TUBGCP2: variants seen among roughly 807,000 people sequenced by gnomAD.
The protein encoded by TUBGCP2 is gamma-tubulin complex component 2.
In TUBGCP2, 55 loss-of-function variants were observed where a neutral mutation model predicts 92.2. That is an observed-to-expected ratio of 0.60 (90% CI 0.48 to 0.75). TUBGCP2 has a LOEUF of 0.75. TUBGCP2 is among the 30% of genes least tolerant of loss of function. The pLI is 0.00. For missense variants in TUBGCP2, 1,093 were observed against 1,188.9 expected, an observed-to-expected ratio of 0.92 and a Z score of 1.19; for synonymous variants, 533 against 505.2, an observed-to-expected ratio of 1.06 and a Z score of -0.74.
At chr10:133,296,944 C>T (rs1313261856) in intron 5 of TUBGCP2, among the ~76,000 whole-genome samples, 1 of 152,156 alleles carries the variant, frequency 6.6e-6, no homozygotes, top group Non-Finnish European at 1.5e-5. Context: ...CCAGGGTTTC[C>T]GGCAAAGGCA....
chr10:133,288,065 T>G, intron 11 of TUBGCP2, 64 bp downstream of exon 11: 3 of 1,550,588 alleles, frequency 1.9e-6, no homozygotes, highest in Non-Finnish European at 2.6e-6. Flanking sequence ...GCCTCTGCTG[T>G]GCTCTCCTCC....
chr10:133,309,239 G>GACA (rs1203262674), upstream of TUBGCP2: 14 of 973,518 alleles, frequency 1.4e-5, no homozygotes, highest in African/African-American at 3.5e-4. Context: ...TGAGGTGGTG[G>GACA]GGCGGGGCCG....
At chr10:133,305,361 T>C (rs1191934179) in intron 1 of TUBGCP2, among the ~76,000 whole-genome samples, 1 of 152,192 alleles carries the variant, frequency 6.6e-6, no homozygotes, top group Non-Finnish European at 1.5e-5. Flanking sequence ...ACACATGACC[T>C]TATCAATCAT....
At chr10:133,304,520 C>CA (rs35520041) in intron 1 of TUBGCP2, among the ~76,000 whole-genome samples, 1 of 151,976 alleles carries the variant, frequency 6.6e-6, no homozygotes, top group Admixed American at 6.6e-5. Flanking sequence ...CTCTATGACC[C>CA]AAAAAAGGTA....
At chr10:133,308,953 C>G (rs956567043), upstream of TUBGCP2, 30 of 1,234,682 alleles carry the variant, frequency 2.4e-5, no homozygotes, top group African/African-American at 4.5e-4. Flanking sequence ...GATGCAGTTG[C>G]CCCCCGCGCT....
rs756703104 is a variant in TUBGCP2 at position 133,288,954 on chromosome 10, A to T, written c.1427T>A (p.Ile476Asn). 6.2e-7 allele frequency: 1 copy of T among 1,614,172 alleles called. No individual in the cohort carries two copies. Among genetic ancestry groups the T allele is most frequent in the South Asian group, 1.1e-5 (1 of 91,084 alleles). Residue 476 changes from isoleucine to asparagine, a missense_variant, in exon 10 of 18, where the codon ATC (isoleucine) becomes AAC (asparagine). By Grantham distance (149) the Ile-to-Asn change is moderately radical (BLOSUM62 -3). Transcript: ENST00000252936. Reference sequence around the variant, plus strand: ...ATACGCCCGCTCTTTTAACGTGTAGATGATCTCTTTAGCCACCGGGCAGGT... The same window carrying T: ...ATACGCCCGCTCTTTTAACGTGTAGTTGATCTCTTTAGCCACCGGGCAGGT... Reference protein sequence around the residue: ...DVTCPVAKEIIYTLKERAYVE... With the variant: ...DVTCPVAKEINYTLKERAYVE...
At chr10:133,295,107 G>A (rs574099661) in intron 5 of TUBGCP2, 1 of 152,322 alleles carries the variant, frequency 6.6e-6, no homozygotes, top group African/African-American at 2.4e-5. Flanking sequence ...GTGCCGTGGG[G>A]TGGGGGTTAG....
intron 11 of TUBGCP2, among the ~76,000 whole-genome samples, chr10:133,286,582 G>A (rs1162377332): frequency 1.3e-5 from 2 of 151,668 alleles, no homozygotes; most frequent in African/African-American, 4.9e-5. Context: ...CTCCTCCCGC[G>A]CGCACGGAAC....
chr10:133,308,977 G>C, upstream of TUBGCP2: 2 of 1,243,528 alleles, frequency 1.6e-6, no homozygotes, highest in Non-Finnish European at 2.0e-6. Flanking sequence ...CGCCCGCCTC[G>C]CTGCGGGGCC....
Position 133,285,362 on chromosome 10 carries a change from C to T in TUBGCP2, c.1895+94G>A. On this transcript the variant is annotated intron_variant, in intron 12 of 17. Coordinates refer to ENST00000252936, the MANE Select transcript of TUBGCP2 (RefSeq NM_006659.4). The surrounding 1 kb of genome is among the most constrained non-coding windows in gnomAD (Gnocchi z 6.8). ...AGGCCGGGGAGAGCCGCCTTGGGTCCTCTGTGGGACGAGGTGGCCACCGCG... is the reference window on the plus strand; with the variant it reads ...AGGCCGGGGAGAGCCGCCTTGGGTCTTCTGTGGGACGAGGTGGCCACCGCG... 2 of 1,595,440 alleles carry T rather than the reference C, an allele frequency of 1.3e-6. No individual in the cohort carries two copies. The highest frequency in any genetic ancestry group is 1.7e-6 in the Non-Finnish European group (2 of 1,172,172).
At chr10:133,284,843 G>A (rs1454305004) in intron 13 of TUBGCP2, among the ~76,000 whole-genome samples, 2 of 152,252 alleles carry the variant, frequency 1.3e-5, no homozygotes, top group Non-Finnish European at 2.9e-5. Context: ...GCTCCAGAGA[G>A]GGCTGAGGGA....
chr10:133,300,629 T>C (rs1400746699), intron 2 of TUBGCP2: 1 of 153,018 alleles, frequency 6.5e-6, no homozygotes, highest in African/African-American at 2.4e-5. Context: ...CCTTTCCTTT[T>C]GTGCTTCTTC....
chr10:133,284,294 C>T (rs551971783), intron 13 of TUBGCP2, among the ~76,000 whole-genome samples: 1 of 152,210 alleles, frequency 6.6e-6, no homozygotes, highest in Non-Finnish European at 1.5e-5. Flanking sequence ...CCTCGGAGCC[C>T]ACGCCAGGAA....
chr10:133,309,147 C>A, upstream of TUBGCP2: 1 of 1,382,746 alleles, frequency 7.2e-7, no homozygotes, highest in Admixed American at 3.4e-5. Context: ...GTGGGGCCTA[C>A]GGCGGCGAGG....
rs888539344 is a variant in TUBGCP2, at chr10:133,297,818, CG to C, written c.616+133del. On this transcript the variant is annotated intron_variant, in intron 5 of 17. Coordinates refer to ENST00000252936, the MANE Select transcript of TUBGCP2 (RefSeq NM_006659.4). The stretch of plus-strand genomic sequence containing the variant: ...CTCACAACCTGAGGAAAGGCAGGCC[CG>C]GGGGAGGGCTGGGCCTGCAAAGTGT... 5 of 1,359,560 alleles carry C rather than the reference CG, an allele frequency of 3.7e-6. No individual in the cohort carries two copies. In the African/African-American group the frequency reaches 7.3e-5, roughly 20 times the overall value. The allele number at this position is 1,359,560 out of a possible 1,614,324, so 84.2% of individuals were successfully genotyped here.
At chr10:133,308,719 G>A in intron 1 of TUBGCP2, 104 bp downstream of exon 1, 1 of 311,918 alleles carries the variant, frequency 3.2e-6, no homozygotes, top group Non-Finnish European at 5.9e-6. Context: ...GAGCGCGCGG[G>A]AAGAGCCGCG....
In TUBGCP2 at chr10:133,279,892, GA is replaced by G; in HGVS notation, c.2582del (p.Phe861SerfsTer47). On this transcript the variant is annotated frameshift_variant, in exon 18 of 18. Transcript: ENST00000252936. LOFTEE classifies it high-confidence loss of function. ...CCAGGCGCTCCGTGTAGAAACCATTGAAGTCAAGCCTGTGAGGAAGGACAGT... is the reference window on the plus strand; with the variant it reads ...CCAGGCGCTCCGTGTAGAAACCATTGAGTCAAGCCTGTGAGGAAGGACAGT... ...GMASVISRLD[F>X]NGFYTERLER... 1 of 1,609,830 alleles carries G rather than the reference GA, an allele frequency of 6.2e-7. No individual in the cohort carries two copies. Among genetic ancestry groups the G allele is most frequent in the Non-Finnish European group, 8.5e-7 (1 of 1,178,578 alleles).
In TUBGCP2 at chr10:133,289,759, G is replaced by A. The variant is rs1003295744; in HGVS notation, c.1360+65C>T. The A allele has an allele frequency of 3.6e-5, 56 of 1,562,530 alleles. 1 individual carries two copies. The South Asian group carries it at 6.0e-4, about 17-fold the overall frequency. On this transcript the variant is annotated intron_variant, in intron 9 of 17. Transcript: ENST00000252936. Reference sequence around the variant, plus strand: ...ACAGGCTCCCGGTGGGAGGGCCTGGGCTGCAGGAGACTCTCCAGGCAGAGC... The same window carrying A: ...ACAGGCTCCCGGTGGGAGGGCCTGGACTGCAGGAGACTCTCCAGGCAGAGC...
Position 133,302,824 on chromosome 10 carries a change from C to T in TUBGCP2, c.118G>A (p.Val40Ile), listed in dbSNP as rs766657428. ...DLLQKNRTPY[V>I]TTTVSAHSAK... is the part of the protein sequence containing the mutation. ...CTGTGAGCAGAGACAGTGGTAGTGACGTACGGGGTCCTGTTCTTTTGAAGC... is the reference window on the plus strand; with the variant it reads ...CTGTGAGCAGAGACAGTGGTAGTGATGTACGGGGTCCTGTTCTTTTGAAGC... The change falls in exon 2 of 18, where the codon GTC becomes ATC. Residue 40 changes from valine to isoleucine, a missense_variant. This residue lies in a region of TUBGCP2 where 490 missense variants were observed against 488.5 expected (regional missense o/e 1.00). Coordinates refer to ENST00000252936, the MANE Select transcript of TUBGCP2 (RefSeq NM_006659.4). The T allele has an allele frequency of 6.3e-5, 102 of 1,613,030 alleles. No individual in the cohort carries two copies. The highest frequency in any genetic ancestry group is 8.4e-5 in the Non-Finnish European group (99 of 1,180,000).
Sources: allele counts gnomAD v4.1 joint callset (sites outside exome capture counted in the v4.1 genomes callset), GRCh38; gene constraint gnomAD v4.1.1; regional missense constraint gnomAD v4.1.1; non-coding constraint Gnocchi (gnomAD v3.1); transcripts MANE v1.5; gene names NCBI Gene and HGNC (gene_info 2026-07-23, HGNC 2026-07-21).